TNNI3K: variants seen among roughly 807,000 people sequenced by gnomAD.
TNNI3K encodes TNNI3 interacting kinase, also known as serine/threonine-protein kinase TNNI3K.
A neutral mutation model predicts 114.5 loss-of-function variants in TNNI3K; 140 were observed. The observed-to-expected ratio is 1.22, with a 90% CI of 1.07 to 1.41. The LOEUF (loss-of-function observed/expected upper bound fraction) is 1.41, where lower values mean the gene tolerates loss of function less well. TNNI3K is among the 40% of genes most tolerant of loss of function. TNNI3K has a pLI of 0.00. For synonymous variants in TNNI3K, 347 were observed against 347.5 expected (o/e 1.00, Z 0.02); for missense variants, 1,125 against 1,007.6 (o/e 1.12, Z -1.58).
intron 4 of TNNI3K, among the ~76,000 whole-genome samples, chr1:74,252,358 A>G (rs558616040): frequency 3.3e-5 from 5 of 152,358 alleles, no homozygotes; most frequent in African/African-American, 1.2e-4. Context: ...TTCTTGGGAA[A>G]CAAAGCAGGC....
chr1:74,318,955 A>T (rs1002061232), intron 5 of TNNI3K, among the ~76,000 whole-genome samples: 1 of 152,248 alleles, frequency 6.6e-6, no homozygotes, highest in South Asian at 2.1e-4. Flanking sequence ...TGAGAGGCAC[A>T]ATAGTATATT....
chr1:74,475,851 G>A (rs1410685416), intron 21 of TNNI3K: 3 of 534,452 alleles, frequency 5.6e-6, no homozygotes, highest in Middle Eastern at 2.7e-4. Flanking sequence ...AACATCTTGG[G>A]AAGAAACACA....
intron 5 of TNNI3K, among the ~76,000 whole-genome samples, chr1:74,300,318 T>C (rs1421819165): frequency 6.6e-6 from 1 of 152,220 alleles, no homozygotes; most frequent in Admixed American, 6.5e-5. Flanking sequence ...CATAGTCATA[T>C]ATTTTACAGT....
chr1:74,349,366 G>A (rs78058284), intron 9 of TNNI3K, among the ~76,000 whole-genome samples: 9,956 of 152,088 alleles, frequency 0.065, 368 homozygotes, highest in Middle Eastern at 0.092. Context: ...TGCTGGATTC[G>A]GTTTGCCAGT....
At chr1:74,385,311 T>C (rs1663416609) in intron 17 of TNNI3K, among the ~76,000 whole-genome samples, 1 of 152,176 alleles carries the variant, frequency 6.6e-6, no homozygotes, top group Admixed American at 6.5e-5. Context: ...TTGATTGAGA[T>C]GGTGGTTTCA....
At chr1:74,399,998 G>A (rs1021028963) in intron 17 of TNNI3K, among the ~76,000 whole-genome samples, 3 of 152,186 alleles carry the variant, frequency 2.0e-5, no homozygotes, top group African/African-American at 2.4e-5. Context: ...TGTGCTGGCT[G>A]GAATGAGGTC....
intron 23 of TNNI3K, among the ~76,000 whole-genome samples, chr1:74,494,277 A>G (rs1465654367): frequency 6.6e-6 from 1 of 152,206 alleles, no homozygotes; most frequent in African/African-American, 2.4e-5. Flanking sequence ...GGGTTTCTAT[A>G]CAATCTACAA....
At chr1:74,517,078 G>C (rs986246152) in intron 23 of TNNI3K, among the ~76,000 whole-genome samples, 2 of 152,072 alleles carry the variant, frequency 1.3e-5, no homozygotes, top group African/African-American at 2.4e-5. Context: ...ATTTAATTCA[G>C]CTTTTCCCCC....
rs928033205 is a variant in TNNI3K at position 74,465,839 on chromosome 1, C to G, written c.2121+2289C>G. On this transcript the variant is annotated intron_variant, in intron 21 of 24. Transcript: ENST00000326637. ...CACACCAATCAGCACCCTGTCAAAACGGACCAATCAGCTCTCTGTAAAATG... is the reference window on the plus strand; with the variant it reads ...CACACCAATCAGCACCCTGTCAAAAGGGACCAATCAGCTCTCTGTAAAATG... 7.2e-5 allele frequency among the ~76,000 whole-genome samples: 11 copies of G among 152,140 alleles called. 1 individual carries two copies. The highest frequency in any genetic ancestry group is 5.2e-4 in the Admixed American group (8 of 15,278).
At chr1:74,311,682 T>A (rs1659004317) in intron 5 of TNNI3K, among the ~76,000 whole-genome samples, 2 of 152,172 alleles carry the variant, frequency 1.3e-5, no homozygotes, top group African/African-American at 4.8e-5. Context: ...CTCTTTGTTC[T>A]TGGTGACATT....
At chr1:74,524,639 A>C (rs1345847407) in intron 23 of TNNI3K, among the ~76,000 whole-genome samples, 2 of 150,092 alleles carry the variant, frequency 1.3e-5, no homozygotes, top group Non-Finnish European at 3.0e-5. Context: ...AAATACCCAA[A>C]GCTTTTACTT....
chr1:74,523,262 A>C (rs1428312929), intron 23 of TNNI3K, among the ~76,000 whole-genome samples: 1 of 152,208 alleles, frequency 6.6e-6, no homozygotes, highest in Non-Finnish European at 1.5e-5. Flanking sequence ...ATTTCAAAAA[A>C]CACATCTATA....
At chr1:74,310,149 C>G (rs1658901221) in intron 5 of TNNI3K, among the ~76,000 whole-genome samples, 1 of 152,128 alleles carries the variant, frequency 6.6e-6, no homozygotes, top group Non-Finnish European at 1.5e-5. Flanking sequence ...ATCAGTAGCA[C>G]TTCTTAATAC....
chr1:74,296,238 T>G (rs1162442650), intron 5 of TNNI3K, among the ~76,000 whole-genome samples: 2 of 151,352 alleles, frequency 1.3e-5, no homozygotes, highest in African/African-American at 4.9e-5. Flanking sequence ...ATCGCGCCAC[T>G]GTGCTCCAGC....
At chr1:74,531,871 G>T (rs756893021) in intron 23 of TNNI3K, among the ~76,000 whole-genome samples, 1 of 152,110 alleles carries the variant, frequency 6.6e-6, no homozygotes, top group Non-Finnish European at 1.5e-5. Context: ...TATGACAGAC[G>T]GCAATAAACC....
chr1:74,279,089 C>G (rs1656850044), intron 5 of TNNI3K, among the ~76,000 whole-genome samples: 1 of 151,956 alleles, frequency 6.6e-6, no homozygotes, highest in Admixed American at 6.6e-5. Context: ...ACTTCAAGTC[C>G]CCAAACTACA....
At chr1:74,542,994 A>G (rs1448000579) in intron 24 of TNNI3K, among the ~76,000 whole-genome samples, 1 of 151,828 alleles carries the variant, frequency 6.6e-6, no homozygotes. Context: ...TACCAGGGAG[A>G]AGAAACAAAC....
intron 20 of TNNI3K, among the ~76,000 whole-genome samples, chr1:74,442,252 A>G (rs541142844): frequency 2.0e-5 from 3 of 152,092 alleles, no homozygotes; most frequent in Admixed American, 1.3e-4. Flanking sequence ...TTATTTTGGT[A>G]CATTTTTCAA....
intron 23 of TNNI3K, among the ~76,000 whole-genome samples, chr1:74,507,320 A>G (rs1429134173): frequency 6.6e-6 from 1 of 150,984 alleles, no homozygotes; most frequent in African/African-American, 2.4e-5. Flanking sequence ...TGTCCTAAAT[A>G]CCCTCAACTA....
Sources: allele counts gnomAD v4.1 joint callset (sites outside exome capture counted in the v4.1 genomes callset), GRCh38; gene constraint gnomAD v4.1.1; transcripts MANE v1.5; gene names NCBI Gene and HGNC (gene_info 2026-07-23, HGNC 2026-07-21).